HCN1: variants seen among roughly 807,000 people sequenced by gnomAD.
HCN1 encodes the protein hyperpolarization activated cyclic nucleotide gated potassium channel 1, also known as potassium/sodium hyperpolarization-activated cyclic nucleotide-gated channel 1.
A neutral mutation model predicts 78.9 loss-of-function variants in HCN1; 13 were observed. The ratio of observed to expected loss-of-function variants is 0.16; its 90% CI spans 0.11 to 0.26. The LOEUF is 0.26. Ranked by LOEUF, HCN1 falls within the 10% of genes least tolerant of loss-of-function variation. HCN1 has a pLI of 1.00. For synonymous variants in HCN1, 552 were observed against 455.5 expected (o/e 1.21, Z -2.70); for missense variants, 810 against 1,154.3 (o/e 0.70, Z 4.32).
intron 6 of HCN1, among the ~76,000 whole-genome samples, chr5:45,298,440 A>T (rs1745542146): frequency 6.6e-6 from 1 of 151,998 alleles, no homozygotes; most frequent in Non-Finnish European, 1.5e-5. Context: ...ATTCAAGATG[A>T]GCCAGGAGCA....
At chr5:45,539,490 G>A (rs914944233) in intron 2 of HCN1, among the ~76,000 whole-genome samples, 6 of 150,578 alleles carry the variant, frequency 4.0e-5, no homozygotes, top group Non-Finnish European at 5.9e-5. Flanking sequence ...GTGAAACCCC[G>A]TCTCTACTAC....
intron 2 of HCN1, among the ~76,000 whole-genome samples, chr5:45,579,216 A>G (rs1432122590): frequency 1.3e-5 from 2 of 152,152 alleles, no homozygotes. Context: ...AAGTTTACAA[A>G]TGACAAACGG....
intron 2 of HCN1, among the ~76,000 whole-genome samples, chr5:45,584,307 C>G (rs958101662): frequency 4.0e-5 from 6 of 151,594 alleles, no homozygotes; most frequent in Non-Finnish European, 8.8e-5. Flanking sequence ...CTCTTTTGAT[C>G]TTTGTTGGTT....
At chr5:45,454,514 A>G (rs1415192107) in intron 3 of HCN1, among the ~76,000 whole-genome samples, 1 of 151,970 alleles carries the variant, frequency 6.6e-6, no homozygotes, top group Non-Finnish European at 1.5e-5. Context: ...AAAAAATAAA[A>G]TCTTTCTGTT....
At chr5:45,298,402 A>C (rs1745541186) in intron 6 of HCN1, among the ~76,000 whole-genome samples, 1 of 151,978 alleles carries the variant, frequency 6.6e-6, no homozygotes, top group Non-Finnish European at 1.5e-5. Context: ...TCCTTGAAGA[A>C]ATGAATAATT....
intron 2 of HCN1, among the ~76,000 whole-genome samples, chr5:45,600,996 A>G (rs79972056): frequency 6.6e-6 from 1 of 152,304 alleles, no homozygotes; most frequent in Non-Finnish European, 1.5e-5. Context: ...TAGGATTGAA[A>G]TATAAAGGAT....
intron 2 of HCN1, among the ~76,000 whole-genome samples, chr5:45,620,788 T>C (rs1170665884): frequency 6.6e-6 from 1 of 152,150 alleles, no homozygotes; most frequent in Non-Finnish European, 1.5e-5. Flanking sequence ...CAAGTATCCT[T>C]GCAGTCCCTG....
intron 6 of HCN1, among the ~76,000 whole-genome samples, chr5:45,296,155 C>A (rs928512081): frequency 5.9e-5 from 9 of 151,936 alleles, no homozygotes; most frequent in Non-Finnish European, 1.2e-4. Context: ...CTTTCTTACT[C>A]AAGTGAGTTG....
intron 2 of HCN1, among the ~76,000 whole-genome samples, chr5:45,537,663 G>C (rs542410945): frequency 4.1e-5 from 6 of 146,970 alleles, no homozygotes; most frequent in Non-Finnish European, 6.0e-5. Context: ...TCAACCTCCC[G>C]AGTAGCTGGA....
At chr5:45,569,085 G>C (rs1365262155) in intron 2 of HCN1, among the ~76,000 whole-genome samples, 1 of 152,084 alleles carries the variant, frequency 6.6e-6, no homozygotes, top group Non-Finnish European at 1.5e-5. Flanking sequence ...GTCACATACA[G>C]ACACAGGAAA....
intron 2 of HCN1, among the ~76,000 whole-genome samples, chr5:45,531,848 T>A (rs2111804599): frequency 6.6e-6 from 1 of 152,272 alleles, no homozygotes. Context: ...GAGGCTAGCC[T>A]GAGCAACACA....
chr5:45,299,159 T>C (rs1405024229), intron 6 of HCN1, among the ~76,000 whole-genome samples: 2 of 152,008 alleles, frequency 1.3e-5, no homozygotes, highest in Admixed American at 6.6e-5. Flanking sequence ...TGGTATTATG[T>C]ATCAGATTCT....
At chr5:45,506,545 A>C (rs1449899943) in intron 2 of HCN1, among the ~76,000 whole-genome samples, 3 of 152,144 alleles carry the variant, frequency 2.0e-5, no homozygotes, top group African/African-American at 7.2e-5. Context: ...ACACAAATGC[A>C]AACTGGGTTA....
chr5:45,334,543 G>A (rs1746414605), intron 5 of HCN1, among the ~76,000 whole-genome samples: 1 of 151,412 alleles, frequency 6.6e-6, no homozygotes. Context: ...TTTCCCATGT[G>A]TTCATGTCTT....
chr5:45,272,892 T>C (rs1039400548), intron 6 of HCN1, among the ~76,000 whole-genome samples: 1 of 152,112 alleles, frequency 6.6e-6, no homozygotes, highest in Non-Finnish European at 1.5e-5. Flanking sequence ...ACAGATTCAG[T>C]GCAGTTTACA....
intron 2 of HCN1, among the ~76,000 whole-genome samples, chr5:45,551,752 C>T (rs978487079): frequency 4.0e-5 from 6 of 151,654 alleles, no homozygotes; most frequent in South Asian, 2.1e-4. Flanking sequence ...AGGATTACTC[C>T]GAACAACTCT....
At chr5:45,603,348 C>G (rs1175664360) in intron 2 of HCN1, among the ~76,000 whole-genome samples, 2 of 151,880 alleles carry the variant, frequency 1.3e-5, no homozygotes, top group Admixed American at 1.3e-4. Flanking sequence ...CATCACTTCT[C>G]TGAATAAATC....
chr5:45,345,403 G>A (rs564363736), intron 5 of HCN1, among the ~76,000 whole-genome samples: 17 of 152,284 alleles, frequency 1.1e-4, no homozygotes, highest in African/African-American at 1.9e-4. Flanking sequence ...TGCTGCAGAA[G>A]GCTTGAATTT....
At chr5:45,504,579 TAGC>T (rs1204473425) in intron 2 of HCN1, among the ~76,000 whole-genome samples, 4 of 152,174 alleles carry the variant, frequency 2.6e-5, no homozygotes, top group Non-Finnish European at 5.9e-5. Flanking sequence ...TGTGTCTTTA[TAGC>T]AGCATGATTT....
Sources: gnomAD v4.1 joint callset for allele counts (sites outside exome capture counted in the v4.1 genomes callset) on GRCh38, gnomAD v4.1.1 for gene constraint, MANE v1.5 for transcripts, NCBI Gene and HGNC (gene_info 2026-07-23, HGNC 2026-07-21) for gene names.